GALNT18: variants seen among roughly 807,000 people sequenced by gnomAD.
GALNT18 encodes the protein polypeptide N-acetylgalactosaminyltransferase 18, also known as GalNAc-transferase 18.
GALNT18 carries 44 observed loss-of-function variants against 69.5 expected under a neutral mutation model. The observed-to-expected ratio is 0.63, with a 90% CI of 0.50 to 0.81. The LOEUF is 0.81. Ranked by LOEUF, GALNT18 falls within the 40% of genes least tolerant of loss-of-function variation. The probability of loss-of-function intolerance (pLI) is 0.00; values close to 1 mark genes in which losing one functional copy is unlikely to be tolerated. For missense variants in GALNT18, 715 were observed against 810.0 expected (o/e 0.88, Z 1.42); for synonymous variants, 364 against 318.2 (o/e 1.14, Z -1.53).
chr11:11,367,638 C>A (rs1850802392), intron 6 of GALNT18, among the ~76,000 whole-genome samples: 1 of 152,166 alleles, frequency 6.6e-6, no homozygotes, highest in Non-Finnish European at 1.5e-5. Flanking sequence ...CTCACCACCC[C>A]CTACTTCTTT....
chr11:11,271,340 A>G, intron 10 of GALNT18, 50 bp from the exon 11 acceptor site: 1 of 1,583,692 alleles, frequency 6.3e-7, no homozygotes, highest in South Asian at 1.1e-5. Flanking sequence ...GGCAACATGC[A>G]GAAATTCGGG....
At chr11:11,611,410 A>G (rs1381677760) in intron 1 of GALNT18, among the ~76,000 whole-genome samples, 4 of 152,160 alleles carry the variant, frequency 2.6e-5, no homozygotes, top group Admixed American at 6.5e-5. Context: ...GGGGCTGTGG[A>G]CCCTCACCTT....
intron 1 of GALNT18, among the ~76,000 whole-genome samples, chr11:11,481,060 T>A (rs1025211133): frequency 2.6e-5 from 4 of 152,168 alleles, no homozygotes; most frequent in African/African-American, 7.2e-5. Flanking sequence ...TAATGGAATT[T>A]GCTCAAACTG....
chr11:11,315,695 T>C lies in GALNT18; in HGVS notation c.1512+11391A>G, dbSNP rs1476165613. ...CACAATCATTCAGTGATGTGCAAGT[T>C]ACATCCCAACTTTACAGATTATGAA... On this transcript the variant is annotated intron_variant, in intron 9 of 10. Transcript: ENST00000227756. The surrounding 1 kb of genome is among the most constrained non-coding windows in gnomAD (Gnocchi z 5.6). Among the ~76,000 whole-genome samples, 2 of 152,110 alleles carry C rather than the reference T, an allele frequency of 1.3e-5. No individual in the cohort carries two copies. The highest frequency in any genetic ancestry group is 4.8e-5 in the African/African-American group (2 of 41,398).
rs1181471353 is a variant in GALNT18 at position 11,602,616 on chromosome 11, G to A, written c.235+18743C>T. Among the ~76,000 whole-genome samples the A allele has an allele frequency of 6.6e-6, 1 of 152,128 alleles. No homozygotes were observed. Among genetic ancestry groups the A allele is most frequent in the Non-Finnish European group, 1.5e-5 (1 of 68,010 alleles). ...TTGAATAAGTGTTTCTTCATTTTAT[G>A]TATCTCATCAGGGCAATTTCCAGGG... On this transcript the variant is annotated intron_variant, in intron 1 of 10. Transcript: ENST00000227756. This position sits in a 1 kb window ranked among gnomAD's most constrained non-coding sequence, Gnocchi z 4.7.
rs1858564685 is a variant in GALNT18 at position 11,563,437 on chromosome 11, G to A, written c.235+57922C>T. Among the ~76,000 whole-genome samples, 1 of 152,200 alleles carries A rather than the reference G, an allele frequency of 6.6e-6. No individual in the cohort carries two copies. The highest frequency in any genetic ancestry group is 2.4e-5 in the African/African-American group (1 of 41,442). On this transcript the variant is annotated intron_variant, in intron 1 of 10. Coordinates refer to ENST00000227756, the MANE Select transcript of GALNT18 (RefSeq NM_198516.3). The surrounding 1 kb of genome is among the most constrained non-coding windows in gnomAD (Gnocchi z 4.6). ...GGTGGCTTCTGGATGCCTTCCAGCT[G>A]GGAGTCTCACCATGAAGGGCCCCAC... is the stretch of plus-strand genomic sequence containing the variant.
intron 6 of GALNT18, chr11:11,352,167 G>C: frequency 6.2e-7 from 1 of 1,613,582 alleles, no homozygotes; most frequent in Non-Finnish European, 8.5e-7. Flanking sequence ...GTGCTCCATG[G>C]CCTCTCTTGC....
chr11:11,374,476 G>T (rs1218079077), intron 5 of GALNT18, among the ~76,000 whole-genome samples: 1 of 152,210 alleles, frequency 6.6e-6, no homozygotes, highest in Admixed American at 6.5e-5. Context: ...TGGCAGAGTG[G>T]GGCCTTGGCA....
intron 10 of GALNT18, among the ~76,000 whole-genome samples, chr11:11,280,843 CTG>C (rs1213769141): frequency 3.9e-5 from 6 of 152,198 alleles, no homozygotes; most frequent in Admixed American, 6.5e-5. Flanking sequence ...TCCTCTCAAA[CTG>C]TGGTCCACCT....
Position 11,584,629 on chromosome 11 carries a change from T to A in GALNT18, c.235+36730A>T, listed in dbSNP as rs577678208. On this transcript the variant is annotated intron_variant, in intron 1 of 10. Transcript: ENST00000227756. The surrounding 1 kb of genome is among the most constrained non-coding windows in gnomAD (Gnocchi z 4.1). Reference sequence around the variant, plus strand: ...AGAGCAAAGAAGCAAACCCAATGAGTCACAGTGTAAATTATTCCTATTAGT... The same window carrying A: ...AGAGCAAAGAAGCAAACCCAATGAGACACAGTGTAAATTATTCCTATTAGT... Among the ~76,000 whole-genome samples, 12 of 152,114 alleles carry A rather than the reference T, an allele frequency of 7.9e-5. No homozygotes were observed. In the East Asian group the frequency reaches 2.1e-3, roughly 27 times the overall value.
intron 1 of GALNT18, among the ~76,000 whole-genome samples, chr11:11,466,015 T>C (rs1856148914): frequency 6.6e-6 from 1 of 152,172 alleles, no homozygotes; most frequent in Non-Finnish European, 1.5e-5. Context: ...TCAGCTCTTC[T>C]CAATCATAAC....
intron 3 of GALNT18, among the ~76,000 whole-genome samples, chr11:11,393,755 A>G (rs1213897227): frequency 6.6e-6 from 1 of 152,248 alleles, no homozygotes; most frequent in Non-Finnish European, 1.5e-5. Context: ...CCATCTTCTC[A>G]CTGCGCCTTT....
intron 10 of GALNT18, 141 bp downstream of exon 10, chr11:11,292,888 C>T (rs974463177): frequency 3.0e-6 from 2 of 665,660 alleles, no homozygotes; most frequent in South Asian, 1.3e-4. Context: ...AGAAGCAAAG[C>T]AGTCTGGAGC....
intron 3 of GALNT18, among the ~76,000 whole-genome samples, chr11:11,414,091 A>G (rs1219217681): frequency 6.6e-6 from 1 of 152,036 alleles, no homozygotes; most frequent in Non-Finnish European, 1.5e-5. Context: ...AGCAAGTCCA[A>G]ATAGATCTCG....
intron 1 of GALNT18, among the ~76,000 whole-genome samples, chr11:11,525,222 T>C (rs1857492174): frequency 6.6e-6 from 1 of 152,058 alleles, no homozygotes. Context: ...CAGAATGCCA[T>C]CCTAGCAATT....
intron 7 of GALNT18, among the ~76,000 whole-genome samples, chr11:11,335,111 C>G (rs954953650): frequency 6.6e-6 from 1 of 152,228 alleles, no homozygotes; most frequent in Non-Finnish European, 1.5e-5. Context: ...AAGAACCTGT[C>G]TCACAAAGGC....
rs545594358 is a variant in GALNT18 at position 11,477,389 on chromosome 11, G to T, written c.236-28453C>A. The stretch of plus-strand genomic sequence containing the variant: ...GCTGCAGTCACCTGGCCCAGCAGGG[G>T]CATCTCCAGAGAACTCACACAATCA... On this transcript the variant is annotated intron_variant, in intron 1 of 10. Coordinates refer to ENST00000227756, the MANE Select transcript of GALNT18 (RefSeq NM_198516.3). Among the ~76,000 whole-genome samples the T allele has an allele frequency of 3.9e-5, 6 of 152,288 alleles. No homozygotes were observed. The South Asian group carries it at 1.2e-3, about 32-fold the overall frequency.
intron 1 of GALNT18, among the ~76,000 whole-genome samples, chr11:11,490,453 G>A (rs565557774): frequency 9.8e-5 from 15 of 152,292 alleles, no homozygotes; most frequent in South Asian, 6.2e-4. Flanking sequence ...TCCTAAGGCT[G>A]TTAGGAATTA....
intron 1 of GALNT18, among the ~76,000 whole-genome samples, chr11:11,556,293 T>C (rs1253980388): frequency 1.3e-5 from 2 of 152,222 alleles, no homozygotes; most frequent in Non-Finnish European, 2.9e-5. Flanking sequence ...CACATTGTAG[T>C]CTACCCCTAG....
Sources: allele counts gnomAD v4.1 joint callset (sites outside exome capture counted in the v4.1 genomes callset), GRCh38; gene constraint gnomAD v4.1.1; non-coding constraint Gnocchi (gnomAD v3.1); transcripts MANE v1.5; gene names NCBI Gene and HGNC (gene_info 2026-07-23, HGNC 2026-07-21).